PRDM2: variants seen among roughly 807,000 people sequenced by gnomAD.
PRDM2 encodes the protein PR domain zinc finger protein 2.
In PRDM2, 30 loss-of-function variants were observed where a neutral mutation model predicts 130.0. The ratio of observed to expected loss-of-function variants is 0.23; its 90% CI spans 0.17 to 0.31. The LOEUF is 0.31. Ranked by LOEUF, PRDM2 falls within the 10% of genes least tolerant of loss-of-function variation. The pLI is 1.00. For synonymous variants in PRDM2, 871 were observed against 782.4 expected (o/e 1.11, Z -1.89); for missense variants, 2,011 against 2,108.4 (o/e 0.95, Z 0.90).
intron 9 of PRDM2, among the ~76,000 whole-genome samples, chr1:13,820,824 G>A (rs558092928): frequency 2.0e-5 from 3 of 151,754 alleles, no homozygotes; most frequent in Non-Finnish European, 2.9e-5. Flanking sequence ...TGGATCCCAC[G>A]TGACCCAGGG....
intron 5 of PRDM2, among the ~76,000 whole-genome samples, chr1:13,743,262 T>C (rs1196115297): frequency 6.6e-6 from 1 of 151,886 alleles, no homozygotes; most frequent in African/African-American, 2.4e-5. Context: ...AAGCCAGGCA[T>C]GGTGGCGGGC....
At chr1:13,804,009 TGAAA>T (rs1645049070) in intron 8 of PRDM2, among the ~76,000 whole-genome samples, 1 of 152,156 alleles carries the variant, frequency 6.6e-6, no homozygotes, top group Non-Finnish European at 1.5e-5. Context: ...ACTTCAGCCC[TGAAA>T]TCAGATCTGG....
chr1:13,822,269 C>T (rs1645364440), intron 9 of PRDM2, among the ~76,000 whole-genome samples: 1 of 152,180 alleles, frequency 6.6e-6, no homozygotes, highest in African/African-American at 2.4e-5. Flanking sequence ...TACGTATTTG[C>T]ACCATACGTG....
chr1:13,793,345 C>T (rs1203641), intron 8 of PRDM2, among the ~76,000 whole-genome samples: 29,907 of 152,176 alleles, frequency 0.2, 3,690 homozygotes, highest in South Asian at 0.32. Flanking sequence ...GCTTAATCCG[C>T]GTCAGGTGCT....
At chr1:13,755,033 T>C (rs533486136) in intron 6 of PRDM2, among the ~76,000 whole-genome samples, 1 of 152,180 alleles carries the variant, frequency 6.6e-6, no homozygotes, top group Non-Finnish European at 1.5e-5. Flanking sequence ...CCTGCCAGGA[T>C]GAACTCTGCT....
chr1:13,811,343 A>G (rs1004546375), intron 8 of PRDM2, among the ~76,000 whole-genome samples: 6 of 152,204 alleles, frequency 3.9e-5, no homozygotes, highest in African/African-American at 9.6e-5. Context: ...TGACCATGCC[A>G]TCACCATAAC....
intron 6 of PRDM2, chr1:13,770,296 G>C (rs1374365097): frequency 2.1e-6 from 1 of 481,682 alleles, no homozygotes; most frequent in Admixed American, 2.1e-5. Context: ...CATTCTTTTA[G>C]GTAGGGAATA....
chr1:13,734,286 T>C (rs866053277), intron 4 of PRDM2, among the ~76,000 whole-genome samples: 138 of 152,302 alleles, frequency 9.1e-4, no homozygotes, highest in African/African-American at 3.2e-3. Context: ...AAAATTATGC[T>C]CCCAAATAAA....
chr1:13,792,688 A>G (rs1020002743), intron 8 of PRDM2, among the ~76,000 whole-genome samples: 1 of 152,196 alleles, frequency 6.6e-6, no homozygotes, highest in Non-Finnish European at 1.5e-5. Flanking sequence ...CAGGCTGTAG[A>G]TCTGAAGGAC....
In PRDM2 at chr1:13,779,773, G is replaced by T. The variant is rs200882061; in HGVS notation, c.1978G>T (p.Val660Phe). 8.7e-6 allele frequency: 14 copies of T among 1,614,058 alleles called. No individual in the cohort carries two copies. Among genetic ancestry groups the T allele is most frequent in the South Asian group, 6.6e-5 (6 of 91,084 alleles). ...GGCCGAAACAGACTCTGACCCCATG[G>T]TCCCCTCTTGCTCTTTAAGTCTTCC... ...IKAETDSDPM[V>F]PSCSLSLPLS... is the part of the protein sequence containing the mutation. The change falls in exon 8 of 10, where the codon GTC becomes TTC. Residue 660 changes from valine (V) to phenylalanine (F), a missense_variant. This residue lies in a region of PRDM2 where 1,288 missense variants were observed against 1,237.7 expected (regional missense o/e 1.04). Coordinates refer to ENST00000311066, the MANE Select transcript of PRDM2 (RefSeq NM_001393986.1). The surrounding 1 kb of genome is among the most constrained non-coding windows in gnomAD (Gnocchi z 4.9).
At chr1:13,783,048 C>T (rs1205190237) in intron 8 of PRDM2, 9 of 1,115,630 alleles carry the variant, frequency 8.1e-6, no homozygotes, top group Non-Finnish European at 1.1e-5. Flanking sequence ...AAAGCAGTGC[C>T]ACTTCTTTAA....
At chr1:13,808,443 G>A (rs1457740589) in intron 8 of PRDM2, among the ~76,000 whole-genome samples, 1 of 136,580 alleles carries the variant, frequency 7.3e-6, no homozygotes, top group African/African-American at 2.9e-5. Context: ...CAGCCTGGGC[G>A]ACAGAGTGAG....
chr1:13,812,924 A>G (rs759644149), intron 8 of PRDM2, among the ~76,000 whole-genome samples: 19 of 150,940 alleles, frequency 1.3e-4, no homozygotes, highest in Non-Finnish European at 2.5e-4. Flanking sequence ...CAGAGGGGGA[A>G]ACCGAGGCTC....
At chr1:13,798,924 G>T (rs746694211) in intron 8 of PRDM2, among the ~76,000 whole-genome samples, 1 of 152,196 alleles carries the variant, frequency 6.6e-6, no homozygotes, top group African/African-American at 2.4e-5. Context: ...ATTTGAATGG[G>T]CTGTGTTAAC....
chr1:13,783,292 G>A, intron 8 of PRDM2: 1 of 387,368 alleles, frequency 2.6e-6, no homozygotes, highest in Non-Finnish European at 5.1e-6. Flanking sequence ...TCTAGTACCT[G>A]ACACTTTCTT....
chr1:13,783,293 A>G, intron 8 of PRDM2: 1 of 387,190 alleles, frequency 2.6e-6, no homozygotes, highest in South Asian at 1.9e-5. Context: ...CTAGTACCTG[A>G]CACTTTCTTT....
At chr1:13,815,832 C>A (rs1050638667) in intron 8 of PRDM2, among the ~76,000 whole-genome samples, 3 of 152,190 alleles carry the variant, frequency 2.0e-5, no homozygotes, top group Admixed American at 6.5e-5. Context: ...TGGGAAGCCA[C>A]GTCACCCCTG....
Position 13,779,733 on chromosome 1 carries a change from A to G in PRDM2, c.1938A>G (p.Ala646=). 6.2e-7 allele frequency: 1 copy of G among 1,614,186 alleles called. No homozygotes were observed. The highest frequency in any genetic ancestry group is 8.5e-7 in the Non-Finnish European group (1 of 1,180,012). The change falls in exon 8 of 10, where the codon GCA becomes GCG. Residue 646 remains alanine (A), a synonymous_variant. Coordinates refer to ENST00000311066, the MANE Select transcript of PRDM2 (RefSeq NM_001393986.1). This position sits in a 1 kb window ranked among gnomAD's most constrained non-coding sequence, Gnocchi z 4.9. The stretch of plus-strand genomic sequence containing the variant: ...AGCGGAGAACTGCGAGCCCACCTGC[A>G]CTGCCCAAAATTAAGGCCGAAACAG... The part of the protein sequence containing the change: ...AKKRRTASPP[A]LPKIKAETDS...
At chr1:13,755,802 GTTTA>G (rs1643935756) in intron 6 of PRDM2, among the ~76,000 whole-genome samples, 1 of 151,940 alleles carries the variant, frequency 6.6e-6, no homozygotes, top group Non-Finnish European at 1.5e-5. Flanking sequence ...AACTTTTAAA[GTTTA>G]TTTATTTTGT....
Sources: gnomAD v4.1 joint callset for allele counts (sites outside exome capture counted in the v4.1 genomes callset) on GRCh38, gnomAD v4.1.1 for gene constraint, gnomAD v4.1.1 regional missense constraint, Gnocchi (gnomAD v3.1) non-coding constraint, MANE v1.5 for transcripts, NCBI Gene and HGNC (gene_info 2026-07-23, HGNC 2026-07-21) for gene names.